Variants in SNX8 observed in about 807,000 individuals in gnomAD.
The protein encoded by SNX8 is sorting nexin-8.
In SNX8, 25 loss-of-function variants were observed where a neutral mutation model predicts 51.6. That is an observed-to-expected ratio of 0.48 (90% CI 0.35 to 0.68). The LOEUF is 0.68. SNX8 is among the 30% of genes least tolerant of loss of function. SNX8 has a pLI of 0.00. For synonymous variants in SNX8, 324 were observed against 277.0 expected (o/e 1.17, Z -1.68); for missense variants, 695 against 624.0 (o/e 1.11, Z -1.21).
intron 1 of SNX8, among the ~76,000 whole-genome samples, chr7:2,332,072 C>T (rs547624324): frequency 1.3e-5 from 2 of 151,730 alleles, no homozygotes; most frequent in African/African-American, 4.8e-5. Context: ...ATGGGCATGT[C>T]GGCTTGCACC....
intron 5 of SNX8, among the ~76,000 whole-genome samples, chr7:2,264,670 G>A (rs538086069): frequency 6.6e-6 from 1 of 152,252 alleles, no homozygotes; most frequent in Admixed American, 6.5e-5. Flanking sequence ...CAAACACAAA[G>A]ACAAATGATC....
chr7:2,277,749 G>T (rs2115135197), intron 2 of SNX8, among the ~76,000 whole-genome samples: 1 of 152,078 alleles, frequency 6.6e-6, no homozygotes. Flanking sequence ...AGAGTTTGCA[G>T]TGAGCCGAGA....
chr7:2,257,718 G>T lies in SNX8; in HGVS notation c.984+17C>A, dbSNP rs749241596. Reference sequence around the variant, plus strand: ...CCTGAAAGTTCTGCCCCCAGCCAAGGAGCAGCCAAGACTCACCTTATAGGA... The same window carrying T: ...CCTGAAAGTTCTGCCCCCAGCCAAGTAGCAGCCAAGACTCACCTTATAGGA... On this transcript the variant is annotated intron_variant, in intron 8 of 10. Transcript: ENST00000222990. 6.2e-7 allele frequency: 1 copy of T among 1,612,334 alleles called. No individual in the cohort carries two copies. Among genetic ancestry groups the T allele is most frequent in the South Asian group, 1.1e-5 (1 of 91,058 alleles).
intron 1 of SNX8, among the ~76,000 whole-genome samples, chr7:2,343,545 T>G (rs1009206387): frequency 1.8e-4 from 28 of 151,826 alleles, no homozygotes; most frequent in African/African-American, 5.6e-4. Context: ...TGTGGTGGCG[T>G]GCACCTGTAG....
At chr7:2,319,397 C>T (rs1322940634), upstream of SNX8, among the ~76,000 whole-genome samples, 2 of 152,232 alleles carry the variant, frequency 1.3e-5, no homozygotes, top group Admixed American at 6.5e-5. Flanking sequence ...TGGTGGCTCA[C>T]GCCTGTAATC....
chr7:2,329,303 TA>T (rs879886262), intron 1 of SNX8, among the ~76,000 whole-genome samples: 127 of 150,978 alleles, frequency 8.4e-4, no homozygotes, highest in African/African-American at 2.9e-3. Context: ...AAATAAAAAA[TA>T]AATAAATAAA....
In SNX8 at chr7:2,275,320, C is replaced by T; in HGVS notation, c.301-91G>A. The T allele has an allele frequency of 6.1e-6, 5 of 823,252 alleles. No homozygotes were observed. The South Asian group carries it at 6.9e-5, about 11-fold the overall frequency. The allele number at this position is 823,252 out of a possible 1,614,324, so 51.0% of individuals were successfully genotyped here. A position where few individuals can be genotyped will look rare whatever the true frequency, so the allele number is the denominator to read the frequency against. On this transcript the variant is annotated intron_variant, in intron 2 of 10. Coordinates refer to ENST00000222990, the MANE Select transcript of SNX8 (RefSeq NM_013321.4). ...AACAGAGCCCGGGAAAACGACAGCA[C>T]CAAGTGCATCTTCTCTCACCAGGCC...
At chr7:2,293,276 A>T (rs768301321) in intron 1 of SNX8, among the ~76,000 whole-genome samples, 4 of 149,988 alleles carry the variant, frequency 2.7e-5, no homozygotes, top group African/African-American at 4.9e-5. Flanking sequence ...CACTGAAACA[A>T]GCCAAATTAC....
chr7:2,286,430 C>A (rs1401047146), intron 1 of SNX8, among the ~76,000 whole-genome samples: 1 of 152,224 alleles, frequency 6.6e-6, no homozygotes, highest in African/African-American at 2.4e-5. Context: ...TAAACTCACT[C>A]CATCCCTACA....
rs184959116 is a variant in SNX8 at position 2,346,744 on chromosome 7, A to G, written c.-66+7478T>C. On this transcript the variant is annotated intron_variant, in intron 1 of 5. Transcript: ENST00000435336. Reference sequence around the variant, plus strand: ...CTGGGCTGGACTCCGTCTCAAAAAAAAAAAAAAAAAAAAAAACAGAAAAAA... The same window carrying G: ...CTGGGCTGGACTCCGTCTCAAAAAAGAAAAAAAAAAAAAAAACAGAAAAAA... Among the ~76,000 whole-genome samples the G allele has an allele frequency of 9.4e-3, 1,339 of 142,406 alleles. 21 individuals are homozygous for G. The highest frequency in any genetic ancestry group is 0.031 in the African/African-American group (1,106 of 35,400). 93.4% of individuals were successfully genotyped at this position (142,406 alleles called of 152,430 possible).
chr7:2,343,147 T>C (rs920605921), intron 1 of SNX8, among the ~76,000 whole-genome samples: 7 of 151,728 alleles, frequency 4.6e-5, no homozygotes, highest in African/African-American at 1.7e-4. Context: ...GCCAGGCTGG[T>C]CTCTAACTCC....
intron 1 of SNX8, among the ~76,000 whole-genome samples, chr7:2,302,762 T>C (rs1414168122): frequency 1.4e-5 from 2 of 146,708 alleles, no homozygotes; most frequent in South Asian, 2.2e-4. Flanking sequence ...CCGCCCCGTC[T>C]GGGATGTGAG....
chr7:2,308,513 C>T (rs1796595063), intron 1 of SNX8, among the ~76,000 whole-genome samples: 1 of 151,548 alleles, frequency 6.6e-6, no homozygotes, highest in African/African-American at 2.4e-5. Context: ...ACTAAAAATA[C>T]AAAAATTAGC....
intron 3 of SNX8, chr7:2,274,821 G>C: frequency 5.4e-6 from 2 of 372,576 alleles, no homozygotes; most frequent in South Asian, 7.7e-5. Flanking sequence ...CTGCACTCTG[G>C]AGAGGAGAAC....
intron 1 of SNX8, among the ~76,000 whole-genome samples, chr7:2,295,739 A>C (rs1796260106): frequency 6.6e-6 from 1 of 152,028 alleles, no homozygotes; most frequent in African/African-American, 2.4e-5. Flanking sequence ...CTTAGATTTA[A>C]GTCTTGAGTT....
chr7:2,339,817 C>G (rs1320755752), intron 1 of SNX8, among the ~76,000 whole-genome samples: 1 of 151,940 alleles, frequency 6.6e-6, no homozygotes, highest in Non-Finnish European at 1.5e-5. Flanking sequence ...AATAAGAACA[C>G]GTAGATTTAT....
intron 1 of SNX8, among the ~76,000 whole-genome samples, chr7:2,301,014 C>A (rs1796378533): frequency 6.6e-6 from 1 of 152,208 alleles, no homozygotes; most frequent in Non-Finnish European, 1.5e-5. Context: ...CTTCAACACT[C>A]ACAACAGGCA....
intron 1 of SNX8, among the ~76,000 whole-genome samples, chr7:2,301,843 C>G (rs1350478916): frequency 6.6e-6 from 1 of 152,188 alleles, no homozygotes; most frequent in Non-Finnish European, 1.5e-5. Flanking sequence ...CTGTATGCCT[C>G]AGTTTCCTCA....
chr7:2,263,197 G>A lies in SNX8; in HGVS notation c.915+33C>T, dbSNP rs750470342. 2.5e-6 allele frequency: 4 copies of A among 1,611,712 alleles called. No individual in the cohort carries two copies. The East Asian group carries it at 6.7e-5, about 27-fold the overall frequency. ...CATGCAAAGGCATAGCGTGTTCTCTGGAACAGGCGCCTGGGAGAACCGATC... is the reference window on the plus strand; with the variant it reads ...CATGCAAAGGCATAGCGTGTTCTCTAGAACAGGCGCCTGGGAGAACCGATC... On this transcript the variant is annotated intron_variant, in intron 7 of 10. Transcript: ENST00000222990.
Sources: gnomAD v4.1 joint callset for allele counts (sites outside exome capture counted in the v4.1 genomes callset) on GRCh38, gnomAD v4.1.1 for gene constraint, MANE v1.5 for transcripts, NCBI Gene and HGNC (gene_info 2026-07-23, HGNC 2026-07-21) for gene names.